The following ADAMTS12 variants were observed in gnomAD, a reference collection of about 807,000 sequenced individuals.
ADAMTS12 encodes ADAM metallopeptidase with thrombospondin type 1 motif 12.
Under a neutral mutation model 167.8 loss-of-function variants are expected in ADAMTS12, and 118 were observed. The observed-to-expected ratio is 0.70, with a 90% CI of 0.61 to 0.82. The LOEUF (loss-of-function observed/expected upper bound fraction) is 0.82, where lower values mean the gene tolerates loss of function less well. Among genes scored for constraint, ADAMTS12 ranks in the 40% least tolerant of loss-of-function variants. ADAMTS12 has a pLI of 0.00. For synonymous variants in ADAMTS12, 704 were observed against 716.9 expected (o/e 0.98, Z 0.29); for missense variants, 1,916 against 1,998.8 (o/e 0.96, Z 0.79).
chr5:33,600,249 A>G (rs1418644409), intron 16 of ADAMTS12, among the ~76,000 whole-genome samples: 1 of 152,046 alleles, frequency 6.6e-6, no homozygotes, highest in East Asian at 1.9e-4. Context: ...AGCAGTACTT[A>G]GTAAATCTCA....
chr5:33,541,179 G>A (rs1348193460), intron 22 of ADAMTS12, among the ~76,000 whole-genome samples: 2 of 152,172 alleles, frequency 1.3e-5, no homozygotes, highest in African/African-American at 4.8e-5. Context: ...TCAGAACTTC[G>A]TGACGCATGC....
At chr5:33,713,593 C>T (rs2112321890) in intron 3 of ADAMTS12, among the ~76,000 whole-genome samples, 1 of 151,880 alleles carries the variant, frequency 6.6e-6, no homozygotes, top group East Asian at 1.9e-4. Flanking sequence ...AATGTGGGTT[C>T]CAAATAAAGA....
rs568780731 is a variant in ADAMTS12, at chr5:33,624,362, G to A, written c.2023-11C>T. 454 of 1,613,764 alleles carry A rather than the reference G, an allele frequency of 2.8e-4. 7 individuals are homozygous for A. In the South Asian group the frequency reaches 4.6e-3, roughly 16 times the overall value. On this transcript the variant is annotated splice_polypyrimidine_tract_variant and intron_variant, in intron 13 of 23. Transcript: ENST00000504830. ...GTCACAGCCAACCATCTGTGGGGAA[G>A]AGAGGTGGAGGATGAATGCCCAGGC...
intron 11 of ADAMTS12, among the ~76,000 whole-genome samples, chr5:33,639,732 ACTCAAATCCTGGCAGT>A (rs756821701): frequency 2.8e-4 from 42 of 152,294 alleles, no homozygotes; most frequent in Admixed American, 1.2e-3. Context: ...GAGACAGAGA[ACTCAAATCCTGGCAGT>A]CTAGTCAAGT....
At chr5:33,605,216 C>T (rs1738377540) in intron 16 of ADAMTS12, among the ~76,000 whole-genome samples, 1 of 152,202 alleles carries the variant, frequency 6.6e-6, no homozygotes, top group Non-Finnish European at 1.5e-5. Flanking sequence ...TGAGCCGAGT[C>T]TAGCCTATTT....
chr5:33,859,064 C>A (rs1211583731), intron 2 of ADAMTS12, among the ~76,000 whole-genome samples: 1 of 152,172 alleles, frequency 6.6e-6, no homozygotes, highest in Non-Finnish European at 1.5e-5. Flanking sequence ...CCCTGGATTT[C>A]AAGCGCAAAA....
intron 2 of ADAMTS12, among the ~76,000 whole-genome samples, chr5:33,786,211 AT>A (rs1427296820): frequency 6.6e-6 from 1 of 152,180 alleles, no homozygotes; most frequent in African/African-American, 2.4e-5. Flanking sequence ...TCATGGAAAT[AT>A]TTTAAAAGTG....
intron 16 of ADAMTS12, among the ~76,000 whole-genome samples, chr5:33,613,432 C>T (rs1561168075): frequency 6.6e-6 from 1 of 152,200 alleles, no homozygotes; most frequent in Admixed American, 6.5e-5. Context: ...GCCAGCCTCC[C>T]TTTGCAGTTA....
chr5:33,741,491 G>A (rs1364518021), intron 3 of ADAMTS12, among the ~76,000 whole-genome samples: 1 of 152,072 alleles, frequency 6.6e-6, no homozygotes, highest in Non-Finnish European at 1.5e-5. Context: ...TCCAAATACT[G>A]TCACATTCTG....
At chr5:33,608,684 C>T (rs148399423) in intron 16 of ADAMTS12, among the ~76,000 whole-genome samples, 11 of 152,154 alleles carry the variant, frequency 7.2e-5, no homozygotes, top group African/African-American at 2.7e-4. Flanking sequence ...AGAAAAGCAC[C>T]CTCCCAAGGA....
intron 9 of ADAMTS12, among the ~76,000 whole-genome samples, chr5:33,643,972 G>C (rs546579526): frequency 3.9e-5 from 6 of 152,350 alleles, no homozygotes; most frequent in African/African-American, 1.4e-4. Flanking sequence ...TCCAGGAAGA[G>C]AGCTGCATAT....
chr5:33,675,341 C>G (rs146581810), intron 5 of ADAMTS12, among the ~76,000 whole-genome samples: 3 of 152,304 alleles, frequency 2.0e-5, no homozygotes, highest in African/African-American at 7.2e-5. Context: ...GATTTTCTAG[C>G]AGCAGGGCTG....
At chr5:33,584,329 G>A (rs373332359) in intron 18 of ADAMTS12, among the ~76,000 whole-genome samples, 1 of 151,722 alleles carries the variant, frequency 6.6e-6, no homozygotes, top group Non-Finnish European at 1.5e-5. Context: ...GATTTTGCAG[G>A]GTCCTTTTGT....
At chr5:33,830,002 T>C (rs1748232675) in intron 2 of ADAMTS12, among the ~76,000 whole-genome samples, 1 of 152,078 alleles carries the variant, frequency 6.6e-6, no homozygotes, top group African/African-American at 2.4e-5. Context: ...CCCTAACATA[T>C]GAAGAAAGGG....
intron 20 of ADAMTS12, among the ~76,000 whole-genome samples, chr5:33,560,659 A>G (rs1164174109): frequency 6.6e-6 from 1 of 151,780 alleles, no homozygotes; most frequent in Non-Finnish European, 1.5e-5. Flanking sequence ...TTATCAGCAA[A>G]CTATCACAAG....
intron 2 of ADAMTS12, among the ~76,000 whole-genome samples, chr5:33,866,706 G>A (rs1301389728): frequency 6.6e-6 from 1 of 151,742 alleles, no homozygotes; most frequent in Non-Finnish European, 1.5e-5. Flanking sequence ...ATCTAAAAAA[G>A]ACCAATGTCC....
At chr5:33,865,506 A>G (rs1171101665) in intron 2 of ADAMTS12, among the ~76,000 whole-genome samples, 1 of 152,180 alleles carries the variant, frequency 6.6e-6, no homozygotes, top group Non-Finnish European at 1.5e-5. Context: ...CCCACAGTCA[A>G]TATCATACTG....
chr5:33,578,937 A>AAAT (rs4049321), intron 18 of ADAMTS12, among the ~76,000 whole-genome samples: 73 of 152,204 alleles, frequency 4.8e-4, no homozygotes, highest in Non-Finnish European at 8.4e-4. Flanking sequence ...ATTTGTTTTG[A>AAAT]AATAATAATA....
chr5:33,535,250 C>G (rs1052608274), intron 22 of ADAMTS12, among the ~76,000 whole-genome samples: 2 of 152,164 alleles, frequency 1.3e-5, no homozygotes, highest in Non-Finnish European at 2.9e-5. Flanking sequence ...CTTTTTCACA[C>G]GTTTGAGAAT....
Sources: allele counts gnomAD v4.1 joint callset (sites outside exome capture counted in the v4.1 genomes callset), GRCh38; gene constraint gnomAD v4.1.1; transcripts MANE v1.5; gene names NCBI Gene and HGNC (gene_info 2026-07-23, HGNC 2026-07-21).